Variants in ATP8A1 observed in about 807,000 individuals in gnomAD.
ATP8A1 encodes ATPase phospholipid transporting 8A1.
A neutral mutation model predicts 177.7 loss-of-function variants in ATP8A1; 90 were observed. The ratio of observed to expected loss-of-function variants is 0.51; its 90% CI spans 0.43 to 0.60. The LOEUF (loss-of-function observed/expected upper bound fraction) is 0.60, where lower values mean the gene tolerates loss of function less well. ATP8A1 is among the 20% of genes least tolerant of loss of function. The probability of loss-of-function intolerance (pLI) is 0.00; values close to 1 mark genes in which losing one functional copy is unlikely to be tolerated. For synonymous variants in ATP8A1, 493 were observed against 485.9 expected, an observed-to-expected ratio of 1.01 and a Z score of -0.19; for missense variants, 1,072 against 1,392.8, an observed-to-expected ratio of 0.77 and a Z score of 3.67.
chr4:42,436,990 T>C (rs952828754), intron 33 of ATP8A1, among the ~76,000 whole-genome samples: 1 of 152,218 alleles, frequency 6.6e-6, no homozygotes, highest in Admixed American at 6.5e-5. Flanking sequence ...AAGATTTTTA[T>C]TGTTTTTCAG....
chr4:42,454,212 G>A (rs1257708707), intron 29 of ATP8A1, among the ~76,000 whole-genome samples: 2 of 152,194 alleles, frequency 1.3e-5, no homozygotes, highest in Non-Finnish European at 2.9e-5. Flanking sequence ...TGAAGATCAC[G>A]TCTCAGAAGA....
At position 42,578,269 on chromosome 4, in the gene ATP8A1, G is replaced by T; in HGVS notation, c.1119C>A (p.Phe373Leu). ...CATAATTCATATTTACCCAATTTAT[G>T]AAGTATGCCTGGGTAAATTTCACAA... ...LEVVKFTQAY[F>L]INWDLDMHYE... The change falls in exon 12 of 37, where the codon TTC becomes TTA. Residue 373 changes from phenylalanine to leucine, a missense_variant. Phe to Leu is a conservative substitution (Grantham distance 22, BLOSUM62 0). This residue lies in a region of ATP8A1 where 388 missense variants were observed against 471.7 expected (regional missense o/e 0.82). Coordinates refer to ENST00000381668, the MANE Select transcript of ATP8A1 (RefSeq NM_006095.2). The T allele has an allele frequency of 6.3e-7, 1 of 1,596,364 alleles. No individual in the cohort carries two copies. The highest frequency in any genetic ancestry group is 8.5e-7 in the Non-Finnish European group (1 of 1,172,428).
intron 20 of ATP8A1, among the ~76,000 whole-genome samples, chr4:42,527,961 A>G (rs1726866112): frequency 6.6e-6 from 1 of 152,098 alleles, no homozygotes; most frequent in African/African-American, 2.4e-5. Flanking sequence ...GCCTTTTACC[A>G]GGGTAACTTT....
chr4:42,543,290 C>G (rs1216085427), intron 20 of ATP8A1, among the ~76,000 whole-genome samples: 1 of 151,962 alleles, frequency 6.6e-6, no homozygotes, highest in Non-Finnish European at 1.5e-5. Context: ...AGGTTATAAA[C>G]TAGGTAAATG....
chr4:42,456,761 TGTTAGAGGA>T (rs1338986523), intron 27 of ATP8A1, among the ~76,000 whole-genome samples: 1 of 152,058 alleles, frequency 6.6e-6, no homozygotes, highest in Non-Finnish European at 1.5e-5. Flanking sequence ...ACTACAAAAC[TGTTAGAGGA>T]GAGCGGTCTT....
At chr4:42,474,798 T>C (rs1720866752) in intron 25 of ATP8A1, among the ~76,000 whole-genome samples, 1 of 152,072 alleles carries the variant, frequency 6.6e-6, no homozygotes, top group Non-Finnish European at 1.5e-5. Flanking sequence ...AAAGGGACAT[T>C]AATGCCTGTT....
rs140559086 is a variant in ATP8A1, at chr4:42,488,290, G to A, written c.2152-2622C>T. ...GCACTACTGTTATCTCCATTCTGCA[G>A]ATGAGAGTGTTTCAGTTCCTTGCTT... is the stretch of plus-strand genomic sequence containing the variant. On this transcript the variant is annotated intron_variant, in intron 24 of 36. Transcript: ENST00000381668. Among the ~76,000 whole-genome samples, 350 of 152,242 alleles carry A rather than the reference G, an allele frequency of 2.3e-3. 2 individuals are homozygous for A. The highest frequency in any genetic ancestry group is 7.2e-3 in the African/African-American group (298 of 41,556).
chr4:42,629,553 C>T lies in ATP8A1; in HGVS notation c.50-2444G>A, dbSNP rs60721355. 5.6e-3 allele frequency among the ~76,000 whole-genome samples: 855 copies of T among 152,348 alleles called. 9 individuals are homozygous for T. The highest frequency in any genetic ancestry group is 0.02 in the African/African-American group (822 of 41,570). ...CTCTCCCCTGTCTCCTCAGCAGTGA[C>T]ATGGAGAGCCATCAGGCACCTGAAG... On this transcript the variant is annotated intron_variant, in intron 1 of 36. Coordinates refer to ENST00000381668, the MANE Select transcript of ATP8A1 (RefSeq NM_006095.2).
chr4:42,456,480 T>C (rs1718498977), intron 27 of ATP8A1, among the ~76,000 whole-genome samples: 2 of 152,170 alleles, frequency 1.3e-5, no homozygotes, highest in South Asian at 2.1e-4. Context: ...TGTTCTTATA[T>C]ATTTTACAAT....
At chr4:42,544,263 A>G (rs558383941) in intron 19 of ATP8A1, among the ~76,000 whole-genome samples, 1 of 152,342 alleles carries the variant, frequency 6.6e-6, no homozygotes, top group East Asian at 1.9e-4. Context: ...CATACCCACC[A>G]GAGTAAAGTC....
intron 12 of ATP8A1, 29 bp from the exon 13 acceptor site, chr4:42,575,728 C>T (rs2109329829): frequency 1.3e-6 from 2 of 1,564,682 alleles, no homozygotes; most frequent in South Asian, 1.1e-5. Context: ...AATCATTGAA[C>T]ACAACTGGTA....
intron 8 of ATP8A1, 89 bp downstream of exon 8, chr4:42,588,171 T>G: frequency 9.2e-7 from 1 of 1,087,296 alleles, no homozygotes. Context: ...TAGGACAGAT[T>G]AGTTCAAGAC....
intron 19 of ATP8A1, among the ~76,000 whole-genome samples, chr4:42,545,024 G>GT (rs956178045): frequency 6.6e-6 from 1 of 152,012 alleles, no homozygotes; most frequent in Non-Finnish European, 1.5e-5. Flanking sequence ...GCCAGGCATG[G>GT]TATCACGTGC....
chr4:42,424,840 T>C (rs765585305), intron 33 of ATP8A1, among the ~76,000 whole-genome samples: 1 of 152,236 alleles, frequency 6.6e-6, no homozygotes, highest in Non-Finnish European at 1.5e-5. Context: ...TAGCTCTGAA[T>C]ACTTTTAAAA....
chr4:42,612,917 A>G (rs1320971874), intron 5 of ATP8A1, among the ~76,000 whole-genome samples: 1 of 152,250 alleles, frequency 6.6e-6, no homozygotes, highest in Non-Finnish European at 1.5e-5. Context: ...AAGGGTTAAC[A>G]TTTGATTGAG....
chr4:42,479,152 T>C (rs532851802), intron 25 of ATP8A1, among the ~76,000 whole-genome samples: 17 of 152,312 alleles, frequency 1.1e-4, no homozygotes, highest in Admixed American at 3.9e-4. Flanking sequence ...TGGTTTTTGT[T>C]ACTTATAGTC....
chr4:42,488,069 CA>C (rs1553885734), intron 24 of ATP8A1, among the ~76,000 whole-genome samples: 1 of 152,102 alleles, frequency 6.6e-6, no homozygotes, highest in Non-Finnish European at 1.5e-5. Context: ...ATTCCACAAG[CA>C]AAATTTACTA....
intron 7 of ATP8A1, chr4:42,588,561 C>T (rs1733853689): frequency 2.3e-6 from 1 of 434,734 alleles, no homozygotes; most frequent in African/African-American, 2.0e-5. Flanking sequence ...TTCCTGACAA[C>T]AATCAGTAAT....
rs546731150 is a variant in ATP8A1, at chr4:42,504,693, C to T, written c.2087-1179G>A. Among the ~76,000 whole-genome samples, 2 of 152,240 alleles carry T rather than the reference C, an allele frequency of 1.3e-5. 1 individual carries two copies. The highest frequency in any genetic ancestry group is 4.1e-4 in the South Asian group (2 of 4,834). On this transcript the variant is annotated intron_variant, in intron 23 of 36. Coordinates refer to ENST00000381668, the MANE Select transcript of ATP8A1 (RefSeq NM_006095.2). ...TCCCTGATTCTACACTTGCTTCCCT[C>T]TGAGTCCATTTTCAGCCTAGCAGCC...
Sources: gnomAD v4.1 joint callset for allele counts (sites outside exome capture counted in the v4.1 genomes callset) on GRCh38, gnomAD v4.1.1 for gene constraint, gnomAD v4.1.1 regional missense constraint, MANE v1.5 for transcripts, NCBI Gene and HGNC (gene_info 2026-07-23, HGNC 2026-07-21) for gene names.